The following HOMER2 variants were observed in gnomAD, a reference collection of about 807,000 sequenced individuals.
HOMER2 encodes the protein homer scaffold protein 2.
Under a neutral mutation model 47.0 loss-of-function variants are expected in HOMER2, and 27 were observed. That is an observed-to-expected ratio of 0.57 (90% CI 0.42 to 0.79). The LOEUF (loss-of-function observed/expected upper bound fraction) is 0.79. Among genes scored for constraint, HOMER2 ranks in the 30% least tolerant of loss-of-function variants. The probability of loss-of-function intolerance (pLI) is 0.00; values close to 1 mark genes in which losing one functional copy is unlikely to be tolerated. For synonymous variants in HOMER2, 161 were observed against 163.8 expected, an observed-to-expected ratio of 0.98 and a Z score of 0.13; for missense variants, 443 against 435.0, an observed-to-expected ratio of 1.02 and a Z score of -0.16.
At chr15:82,950,714 C>T (rs1390722365) in intron 1 of HOMER2, among the ~76,000 whole-genome samples, 2 of 152,148 alleles carry the variant, frequency 1.3e-5, no homozygotes, top group African/African-American at 4.8e-5. Flanking sequence ...ATACATTTAT[C>T]GAATGATGTT....
chr15:82,854,925 G>T, intron 5 of HOMER2, 125 bp from the exon 6 acceptor site: 1 of 1,135,148 alleles, frequency 8.8e-7, no homozygotes, highest in South Asian at 1.6e-5. Flanking sequence ...TCTCCCCACA[G>T]TAAGCTGGCA....
intron 2 of HOMER2, among the ~76,000 whole-genome samples, chr15:82,882,778 C>T (rs2052565207): frequency 6.6e-6 from 1 of 151,946 alleles, no homozygotes; most frequent in African/African-American, 2.4e-5. Flanking sequence ...AGCTTTCCTT[C>T]TCAAAGAGCC....
At chr15:82,940,560 A>G (rs573310767) in intron 1 of HOMER2, among the ~76,000 whole-genome samples, 87 of 152,216 alleles carry the variant, frequency 5.7e-4, no homozygotes, top group South Asian at 1.5e-3. Flanking sequence ...TGGCTAACAC[A>G]GTGAAACCCC....
chr15:82,889,771 A>G (rs557913328), intron 2 of HOMER2, among the ~76,000 whole-genome samples: 1 of 152,160 alleles, frequency 6.6e-6, no homozygotes, highest in South Asian at 2.1e-4. Flanking sequence ...TATGATCTAG[A>G]CCTAGGCTGC....
intron 1 of HOMER2, among the ~76,000 whole-genome samples, chr15:82,906,214 G>C (rs1239410661): frequency 1.3e-5 from 2 of 151,986 alleles, no homozygotes; most frequent in African/African-American, 4.8e-5. Flanking sequence ...AGAAGAAATA[G>C]AATCATATGA....
At chr15:82,874,654 G>A (rs867303436) in intron 3 of HOMER2, among the ~76,000 whole-genome samples, 2 of 152,222 alleles carry the variant, frequency 1.3e-5, no homozygotes, top group Non-Finnish European at 2.9e-5. Context: ...ACACCACTGT[G>A]TGGCATTTTA....
exon 2 of HOMER2, chr15:82,843,701 TA>T (rs1305238148): frequency 6.6e-6 from 1 of 151,872 alleles, no homozygotes; most frequent in Non-Finnish European, 1.5e-5. Context: ...ACCAAAAAAA[TA>T]TTTTTTTTAG....
At chr15:82,909,742 TAAC>T (rs1454472285) in intron 1 of HOMER2, among the ~76,000 whole-genome samples, 3 of 152,214 alleles carry the variant, frequency 2.0e-5, no homozygotes, top group Admixed American at 1.3e-4. Context: ...TCATTGTACT[TAAC>T]AACTTTTCCA....
At chr15:82,877,140 G>GT (rs1374081205) in intron 2 of HOMER2, among the ~76,000 whole-genome samples, 2 of 152,160 alleles carry the variant, frequency 1.3e-5, no homozygotes, top group Non-Finnish European at 2.9e-5. Flanking sequence ...TTTCACAGAA[G>GT]TAACTGAGAT....
intron 3 of HOMER2, among the ~76,000 whole-genome samples, 177 bp downstream of exon 3, chr15:82,875,096 C>T (rs1256453): frequency 6.6e-6 from 1 of 152,034 alleles, no homozygotes; most frequent in Non-Finnish European, 1.5e-5. Flanking sequence ...AGATGACTTC[C>T]GTGAACCTGG....
intron 1 of HOMER2, among the ~76,000 whole-genome samples, chr15:82,938,230 C>T (rs547829730): frequency 1.3e-5 from 2 of 152,218 alleles, no homozygotes; most frequent in African/African-American, 2.4e-5. Context: ...AAAAATTAAC[C>T]GGGCGTGGTG....
chr15:82,876,265 A>G (rs1017711684), intron 2 of HOMER2, among the ~76,000 whole-genome samples: 3 of 152,244 alleles, frequency 2.0e-5, no homozygotes, highest in African/African-American at 7.2e-5. Context: ...AGCAGTGTCA[A>G]GAAGGGTAGA....
At chr15:82,962,386 A>G (rs2054638488) in intron 1 of HOMER2, among the ~76,000 whole-genome samples, 1 of 146,526 alleles carries the variant, frequency 6.8e-6, no homozygotes, top group Non-Finnish European at 1.5e-5. Flanking sequence ...AAAAAAAAAA[A>G]TGTCCAGAGG....
At chr15:82,946,206 G>A (rs1596377479) in intron 1 of HOMER2, among the ~76,000 whole-genome samples, 1 of 152,286 alleles carries the variant, frequency 6.6e-6, no homozygotes, top group East Asian at 1.9e-4. Context: ...TCAGCGTCCC[G>A]CTTCAGCAGA....
chr15:82,882,175 C>T (rs967698376), intron 2 of HOMER2, among the ~76,000 whole-genome samples: 2 of 152,210 alleles, frequency 1.3e-5, no homozygotes, highest in Non-Finnish European at 2.9e-5. Flanking sequence ...TCATGTGGCT[C>T]CCATCTGTCC....
chr15:82,854,174 G>A (rs573611384), intron 6 of HOMER2, among the ~76,000 whole-genome samples: 1 of 152,314 alleles, frequency 6.6e-6, no homozygotes, highest in East Asian at 1.9e-4. Context: ...GGAGGCTGAG[G>A]CGGGTGTATC....
intron 2 of HOMER2, among the ~76,000 whole-genome samples, chr15:82,880,443 C>A (rs2052486591): frequency 6.6e-6 from 1 of 151,990 alleles, no homozygotes; most frequent in African/African-American, 2.4e-5. Context: ...AGGGAAAGGC[C>A]CATTGAAGGA....
chr15:82,869,280 CAAGAT>C (rs1399546209), intron 3 of HOMER2, among the ~76,000 whole-genome samples: 17 of 152,084 alleles, frequency 1.1e-4, no homozygotes, highest in Admixed American at 1.1e-3. Flanking sequence ...CACCATCATC[CAAGAT>C]AAGAACAAAC....
chr15:82,891,574 G>A (rs190508302), intron 2 of HOMER2, among the ~76,000 whole-genome samples: 36 of 152,242 alleles, frequency 2.4e-4, no homozygotes, highest in Admixed American at 9.2e-4. Context: ...GGAGTGTGGG[G>A]AGAAGCCTTT....
Sources: allele counts gnomAD v4.1 joint callset (sites outside exome capture counted in the v4.1 genomes callset), GRCh38; gene constraint gnomAD v4.1.1; transcripts MANE v1.5; gene names NCBI Gene and HGNC (gene_info 2026-07-23, HGNC 2026-07-21).